Variants in ANKDD1A observed in about 807,000 individuals in gnomAD.
ANKDD1A encodes the protein ankyrin repeat and death domain-containing protein 1A.
In ANKDD1A, 59 loss-of-function variants were observed where a neutral mutation model predicts 63.5. The observed-to-expected ratio is 0.93, with a 90% CI of 0.75 to 1.15. ANKDD1A has a LOEUF of 1.15. ANKDD1A is among the 50% of genes most tolerant of loss of function. The pLI is 0.00. For missense variants in ANKDD1A, 632 were observed against 656.4 expected (o/e 0.96, Z 0.41); for synonymous variants, 266 against 263.9 (o/e 1.01, Z -0.08).
chr15:64,934,997 G>A (rs758135963), intron 9 of ANKDD1A, among the ~76,000 whole-genome samples: 1 of 151,746 alleles, frequency 6.6e-6, no homozygotes, highest in African/African-American at 2.4e-5. Context: ...GGCCGAGGCT[G>A]GAGTATTGCT....
intron 9 of ANKDD1A, among the ~76,000 whole-genome samples, chr15:64,934,500 C>CTTTTTT (rs546780732): frequency 3.2e-5 from 4 of 125,628 alleles, no homozygotes; most frequent in East Asian, 2.2e-4. Context: ...TTTTTCTTTT[C>CTTTTTT]TTTTTTTTTT....
At chr15:64,952,348 G>C (rs1272611186) in intron 14 of ANKDD1A, among the ~76,000 whole-genome samples, 7 of 66,458 alleles carry the variant, frequency 1.1e-4, no homozygotes, top group African/African-American at 3.2e-4. Context: ...CTTCTTCTTA[G>C]TTCTTCCTCC....
intron 13 of ANKDD1A, among the ~76,000 whole-genome samples, chr15:64,949,621 C>G (rs1199870938): frequency 6.6e-6 from 1 of 152,180 alleles, no homozygotes. Context: ...GACCAAGACA[C>G]AAACCCTTCC....
rs778910700 is a variant in ANKDD1A at position 64,915,791 on chromosome 15, C to G, written c.35-6C>G. 8.1e-6 allele frequency: 13 copies of G among 1,613,696 alleles called. No homozygotes were observed. The South Asian group carries it at 1.2e-4, about 15-fold the overall frequency. On this transcript the variant is annotated splice_polypyrimidine_tract_variant and splice_region_variant and intron_variant, in intron 1 of 14. Transcript: ENST00000319580. Reference sequence around the variant, plus strand: ...CCTCATCCTGCACCCCATTTTCTCCCCACAGTGCTTCCTCTGGAGAGGCAG... The same window carrying G: ...CCTCATCCTGCACCCCATTTTCTCCGCACAGTGCTTCCTCTGGAGAGGCAG...
intron 6 of ANKDD1A, among the ~76,000 whole-genome samples, chr15:64,928,381 A>G (rs984020133): frequency 1.3e-5 from 2 of 152,268 alleles, no homozygotes; most frequent in Non-Finnish European, 2.9e-5. Context: ...AGGCAAAATG[A>G]TCACACCTCA....
rs28639991 is a variant in ANKDD1A, at chr15:64,925,961, G to T, written c.367-105G>T. 5,824 of 948,456 alleles carry T rather than the reference G, an allele frequency of 6.1e-3. 226 individuals are homozygous for T. In the African/African-American group the frequency reaches 0.085, roughly 14 times the overall value. The allele number at this position is 948,456 out of a possible 1,614,324, so 58.8% of individuals were successfully genotyped here. On this transcript the variant is annotated intron_variant, in intron 4 of 14. Coordinates refer to ENST00000319580, the MANE Select transcript of ANKDD1A (RefSeq NM_182703.6). ...TCATTTACAGTGTTGTATCCATGGG[G>T]AGGCTGTGTTCTGGGTCCCAAACAC... is the stretch of plus-strand genomic sequence containing the variant.
chr15:64,916,966 C>A (rs1241327948), intron 2 of ANKDD1A, among the ~76,000 whole-genome samples: 3 of 152,180 alleles, frequency 2.0e-5, no homozygotes, highest in African/African-American at 7.2e-5. Flanking sequence ...CACTCCAGTG[C>A]CTCTCAGGGA....
At chr15:64,941,981 C>T (rs2085188206) in intron 9 of ANKDD1A, among the ~76,000 whole-genome samples, 1 of 152,132 alleles carries the variant, frequency 6.6e-6, no homozygotes, top group Non-Finnish European at 1.5e-5. Context: ...AGTCATCGTT[C>T]CTATTAGCTA....
intron 14 of ANKDD1A, among the ~76,000 whole-genome samples, chr15:64,951,691 C>CTTATTCTTTT (rs1218099535): frequency 8.5e-6 from 1 of 117,594 alleles, no homozygotes; most frequent in East Asian, 2.5e-4. Context: ...TTTCTTCTTC[C>CTTATTCTTTT]TCTTCTTCTT....
chr15:64,925,498 C>T (rs2085039525), intron 4 of ANKDD1A, among the ~76,000 whole-genome samples: 1 of 152,140 alleles, frequency 6.6e-6, no homozygotes, highest in Non-Finnish European at 1.5e-5. Context: ...CTTCCCTCTA[C>T]TCCCTGCAGA....
At chr15:64,914,638 C>T (rs2084956308) in intron 1 of ANKDD1A, among the ~76,000 whole-genome samples, 1 of 152,218 alleles carries the variant, frequency 6.6e-6, no homozygotes, top group Non-Finnish European at 1.5e-5. Flanking sequence ...ACCTTTGGGC[C>T]TGCTGTGAGC....
rs1479071344 is a variant in ANKDD1A, at chr15:64,954,462, TCTC to T, written c.1484-2638_1484-2636del. Among the ~76,000 whole-genome samples the T allele has an allele frequency of 4.9e-5, 6 of 123,614 alleles. 1 individual carries two copies. In the South Asian group the frequency reaches 9.0e-4, roughly 19 times the overall value. The allele number at this position is 123,614 out of a possible 152,430, so 81.1% of individuals were successfully genotyped here. On this transcript the variant is annotated intron_variant, in intron 14 of 14. Coordinates refer to ENST00000319580, the MANE Select transcript of ANKDD1A (RefSeq NM_182703.6). ...TCTTCTCCTTCTTCTTCTTCCCTCT[TCTC>T]CTTCTTCCTCTTTTTCTTCTTCCTT...
chr15:64,942,065 A>G (rs1275521725), intron 9 of ANKDD1A, among the ~76,000 whole-genome samples: 1 of 152,170 alleles, frequency 6.6e-6, no homozygotes, highest in East Asian at 1.9e-4. Flanking sequence ...TACTAATAAG[A>G]ACACCATCCC....
intron 8 of ANKDD1A, among the ~76,000 whole-genome samples, chr15:64,933,545 T>G (rs2085105727): frequency 6.6e-6 from 1 of 152,170 alleles, no homozygotes; most frequent in African/African-American, 2.4e-5. Flanking sequence ...TGTCTTCCTC[T>G]TTAAAAACCA....
intron 14 of ANKDD1A, chr15:64,951,273 C>A (rs2085267482): frequency 1.0e-6 from 1 of 982,088 alleles, no homozygotes; most frequent in African/African-American, 1.8e-5. Flanking sequence ...TTGTTTATTT[C>A]TTCTTCTTTT....
At chr15:64,915,150 C>A (rs541895400) in intron 1 of ANKDD1A, among the ~76,000 whole-genome samples, 8 of 152,274 alleles carry the variant, frequency 5.3e-5, no homozygotes, top group Non-Finnish European at 1.2e-4. Context: ...ACCAAATATA[C>A]AAAAATTAAC....
intron 6 of ANKDD1A, among the ~76,000 whole-genome samples, chr15:64,930,260 A>T (rs1450115634): frequency 8.7e-4 from 22 of 25,184 alleles, no homozygotes; most frequent in African/African-American, 7.2e-4. Context: ...AAGTAAAATT[A>T]AAAAAAAAAA....
chr15:64,934,181 G>C lies in ANKDD1A; in HGVS notation c.814G>C (p.Asp272His). The change falls in exon 9 of 15, where the codon GAT becomes CAT. Residue 272 changes from aspartate (D) to histidine (H), a missense_variant. Transcript: ENST00000319580. ...LHYAALSGSE[D>H]VSRVLIHAGG... ...CTATGCAGCCCTCAGTGGCTCGGAG[G>C]ATGTGTCTCGGGTCCTCATCCACGC... 1 of 1,612,500 alleles carries C rather than the reference G, an allele frequency of 6.2e-7. No homozygotes were observed. Among genetic ancestry groups the C allele is most frequent in the Non-Finnish European group, 8.5e-7 (1 of 1,179,232 alleles).
intron 9 of ANKDD1A, among the ~76,000 whole-genome samples, chr15:64,937,722 T>C (rs1214531052): frequency 6.6e-6 from 1 of 151,884 alleles, no homozygotes; most frequent in African/African-American, 2.4e-5. Context: ...TGAGACTCTG[T>C]CTCAAAAAAA....
Sources: gnomAD v4.1 joint callset for allele counts (sites outside exome capture counted in the v4.1 genomes callset) on GRCh38, gnomAD v4.1.1 for gene constraint, MANE v1.5 for transcripts, NCBI Gene and HGNC (gene_info 2026-07-23, HGNC 2026-07-21) for gene names.